ZNF385D: variants seen among roughly 807,000 people sequenced by gnomAD.
ZNF385D encodes zinc finger protein 385D, also known as zinc finger protein 659.
In ZNF385D, 15 loss-of-function variants were observed where a neutral mutation model predicts 35.8. That is an observed-to-expected ratio of 0.42 (90% CI 0.28 to 0.64). The LOEUF (loss-of-function observed/expected upper bound fraction) is 0.64, where lower values mean the gene tolerates loss of function less well. ZNF385D is among the 30% of genes least tolerant of loss of function. The pLI is 0.23. For synonymous variants in ZNF385D, 212 were observed against 186.8 expected, an observed-to-expected ratio of 1.13 and a Z score of -1.10; for missense variants, 474 against 494.6, an observed-to-expected ratio of 0.96 and a Z score of 0.39.
intron 2 of ZNF385D, among the ~76,000 whole-genome samples, chr3:22,213,613 T>A (rs1206766360): frequency 6.6e-6 from 1 of 152,030 alleles, no homozygotes; most frequent in African/African-American, 2.4e-5. Flanking sequence ...CTTATTCTAA[T>A]GTACCACTTA....
intron 2 of ZNF385D, among the ~76,000 whole-genome samples, chr3:22,237,707 G>C (rs942557677): frequency 6.6e-6 from 1 of 152,054 alleles, no homozygotes; most frequent in African/African-American, 2.4e-5. Context: ...GCAGTGGCAC[G>C]ATCTCAGCTC....
At chr3:22,001,343 A>G (rs1323289765) in intron 3 of ZNF385D, among the ~76,000 whole-genome samples, 2 of 152,010 alleles carry the variant, frequency 1.3e-5, no homozygotes, top group South Asian at 2.1e-4. Context: ...AGATACTAGT[A>G]TCAGATAAAA....
intron 3 of ZNF385D, among the ~76,000 whole-genome samples, chr3:22,106,929 T>C (rs1401204460): frequency 1.3e-5 from 2 of 152,106 alleles, no homozygotes; most frequent in Non-Finnish European, 2.9e-5. Context: ...TTATGGTTAG[T>C]TGCTGCTCTC....
intron 2 of ZNF385D, among the ~76,000 whole-genome samples, chr3:22,217,737 T>TA (rs1697981813): frequency 6.6e-6 from 1 of 151,746 alleles, no homozygotes; most frequent in African/African-American, 2.4e-5. Flanking sequence ...AAAGAAGGAG[T>TA]AGAGAACAAT....
At chr3:21,561,256 A>AACTT (rs1354524134) in intron 3 of ZNF385D, among the ~76,000 whole-genome samples, 1 of 152,178 alleles carries the variant, frequency 6.6e-6, no homozygotes, top group Non-Finnish European at 1.5e-5. Flanking sequence ...TTGTGCTGGA[A>AACTT]ACTTAGGGCC....
intron 2 of ZNF385D, among the ~76,000 whole-genome samples, chr3:22,261,126 T>C (rs1446894903): frequency 6.7e-6 from 1 of 149,016 alleles, no homozygotes; most frequent in Admixed American, 6.7e-5. Flanking sequence ...CATCCATCCA[T>C]CTACACCGAC....
At chr3:21,865,702 T>A (rs962309638) in intron 3 of ZNF385D, among the ~76,000 whole-genome samples, 8 of 152,258 alleles carry the variant, frequency 5.3e-5, no homozygotes, top group Non-Finnish European at 1.0e-4. Flanking sequence ...TGGAAGAACT[T>A]GAGCTTTCAT....
At chr3:21,900,743 TA>T (rs1455508523) in intron 3 of ZNF385D, among the ~76,000 whole-genome samples, 1 of 152,180 alleles carries the variant, frequency 6.6e-6, no homozygotes, top group Admixed American at 6.6e-5. Flanking sequence ...ATACACACGT[TA>T]AAAGAAAAAT....
At chr3:21,979,608 G>A (rs1326116559) in intron 3 of ZNF385D, 1 of 152,168 alleles carries the variant, frequency 6.6e-6, no homozygotes, top group Non-Finnish European at 1.5e-5. Flanking sequence ...TTCTTACAAG[G>A]TTCAAGTATG....
chr3:21,601,075 TTC>T (rs2064273910), intron 2 of ZNF385D, among the ~76,000 whole-genome samples: 1 of 152,172 alleles, frequency 6.6e-6, no homozygotes, highest in Non-Finnish European at 1.5e-5. Flanking sequence ...AAAAATAATG[TTC>T]TTTTTTCAAG....
chr3:21,839,881 G>A (rs1266689892), intron 3 of ZNF385D, among the ~76,000 whole-genome samples: 1 of 152,000 alleles, frequency 6.6e-6, no homozygotes, highest in East Asian at 1.9e-4. Context: ...GTCAGAAATT[G>A]CCTCCCACTG....
intron 2 of ZNF385D, among the ~76,000 whole-genome samples, chr3:21,636,392 A>ATGATTATATATATATATATATATATGAT (rs1171265974): frequency 3.8e-4 from 15 of 39,320 alleles, no homozygotes; most frequent in African/African-American, 1.8e-3. Context: ...ATATATATAT[A>ATGATTATATATATATATATATATATGAT]TATATATATA....
At chr3:21,472,211 G>C (rs1703939621) in intron 4 of ZNF385D, among the ~76,000 whole-genome samples, 1 of 152,100 alleles carries the variant, frequency 6.6e-6, no homozygotes, top group Admixed American at 6.6e-5. Flanking sequence ...AACATCTGTT[G>C]ACTTAAGGAA....
intron 2 of ZNF385D, among the ~76,000 whole-genome samples, chr3:22,277,023 A>T (rs116306914): frequency 6.6e-6 from 1 of 152,126 alleles, no homozygotes; most frequent in Non-Finnish European, 1.5e-5. Context: ...ATAATGTCAT[A>T]TTTCATTCTA....
At chr3:22,307,469 G>C (rs890594685) in intron 2 of ZNF385D, among the ~76,000 whole-genome samples, 2 of 152,096 alleles carry the variant, frequency 1.3e-5, no homozygotes, top group African/African-American at 4.8e-5. Context: ...AATAAGAATT[G>C]AAGGCATAAG....
At chr3:21,859,585 C>A (rs899172423) in intron 3 of ZNF385D, among the ~76,000 whole-genome samples, 1 of 151,592 alleles carries the variant, frequency 6.6e-6, no homozygotes, top group African/African-American at 2.4e-5. Flanking sequence ...AAGGTGCAGG[C>A]CCATCAATTC....
intron 3 of ZNF385D, among the ~76,000 whole-genome samples, chr3:21,775,722 C>T (rs2071260680): frequency 6.6e-6 from 1 of 151,830 alleles, no homozygotes; most frequent in African/African-American, 2.4e-5. Context: ...TATTCGATGA[C>T]AGGAAATAAT....
chr3:21,534,129 TA>T lies in ZNF385D; in HGVS notation c.277-23107del, dbSNP rs5847109. Among the ~76,000 whole-genome samples the T allele has an allele frequency of 4.8e-3, 714 of 147,812 alleles. 2 individuals are homozygous for T. Among genetic ancestry groups the T allele is most frequent in the Non-Finnish European group, 7.0e-3 (464 of 66,594 alleles). On this transcript the variant is annotated intron_variant, in intron 3 of 7. Coordinates refer to ENST00000281523, the MANE Select transcript of ZNF385D (RefSeq NM_024697.3). ...ACAAGAATTTGAGACTCACAGAAGT[TA>T]AAAAAAAAAACTTACTCAAAAATCA...
At chr3:22,181,984 GCAAA>G (rs1228367403) in intron 2 of ZNF385D, among the ~76,000 whole-genome samples, 2 of 152,194 alleles carry the variant, frequency 1.3e-5, no homozygotes, top group East Asian at 1.9e-4. Context: ...GCTGAATGCC[GCAAA>G]CAAACATATG....
Sources: allele counts gnomAD v4.1 joint callset (sites outside exome capture counted in the v4.1 genomes callset), GRCh38; gene constraint gnomAD v4.1.1; transcripts MANE v1.5; gene names NCBI Gene and HGNC (gene_info 2026-07-23, HGNC 2026-07-21).